ANKRD31: variants seen among roughly 807,000 people sequenced by gnomAD.
The protein encoded by ANKRD31 is ankyrin repeat domain 31.
Under a neutral mutation model 186.0 loss-of-function variants are expected in ANKRD31, and 147 were observed. The ratio of observed to expected loss-of-function variants is 0.79; its 90% CI spans 0.69 to 0.91. ANKRD31 has a LOEUF of 0.91. Ranked by LOEUF, ANKRD31 falls within the 40% of genes least tolerant of loss-of-function variation. The probability of loss-of-function intolerance (pLI) is 0.00; values close to 1 mark genes in which losing one functional copy is unlikely to be tolerated. For missense variants in ANKRD31, 1,986 were observed against 2,148.8 expected (o/e 0.92, Z 1.50); for synonymous variants, 673 against 736.4 (o/e 0.91, Z 1.39).
At chr5:75,206,533 A>G in intron 4 of ANKRD31, 46 bp from the exon 5 acceptor site, 1 of 1,124,392 alleles carries the variant, frequency 8.9e-7, no homozygotes, top group Non-Finnish European at 1.2e-6. Context: ...GGAAGAAAAA[A>G]TAGTGTTTCT....
At chr5:75,174,132 G>A (rs183653254) in intron 10 of ANKRD31, among the ~76,000 whole-genome samples, 275 of 152,268 alleles carry the variant, frequency 1.8e-3, no homozygotes, top group African/African-American at 5.7e-3. Flanking sequence ...ATGGGGAAAC[G>A]ATTCCCTATT....
chr5:75,226,256 C>T (rs1478660487), intron 2 of ANKRD31, among the ~76,000 whole-genome samples: 3 of 152,196 alleles, frequency 2.0e-5, no homozygotes, highest in African/African-American at 7.2e-5. Flanking sequence ...AAGGGAAGGA[C>T]ACAAGCCTGG....
chr5:75,136,639 T>C (rs1224021858), intron 17 of ANKRD31, among the ~76,000 whole-genome samples: 5 of 152,192 alleles, frequency 3.3e-5, no homozygotes, highest in Admixed American at 2.6e-4. Flanking sequence ...AGAAATACCA[T>C]TTGACCTAGC....
chr5:75,183,210 C>G (rs1452890729), intron 10 of ANKRD31, among the ~76,000 whole-genome samples: 2 of 152,112 alleles, frequency 1.3e-5, no homozygotes, highest in Non-Finnish European at 2.9e-5. Context: ...ATTCAACATC[C>G]CTTCATGATA....
intron 17 of ANKRD31, among the ~76,000 whole-genome samples, chr5:75,120,605 T>C (rs1748685588): frequency 6.6e-6 from 1 of 152,092 alleles, no homozygotes. Flanking sequence ...GTAGAAATTA[T>C]TAAGGATAAC....
intron 14 of ANKRD31, among the ~76,000 whole-genome samples, chr5:75,145,586 TG>T (rs962166969): frequency 2.6e-5 from 4 of 151,250 alleles, no homozygotes; most frequent in African/African-American, 4.9e-5. Flanking sequence ...TGTCATGGGG[TG>T]GGGGGGCTAC....
At chr5:75,091,159 G>T (rs1580304390) in intron 23 of ANKRD31, 102 bp downstream of exon 23, 1 of 1,306,418 alleles carries the variant, frequency 7.7e-7, no homozygotes, top group Non-Finnish European at 1.0e-6. Flanking sequence ...TACAAAACTA[G>T]CTTGGAGATC....
At chr5:75,204,453 C>T (rs1756019569) in intron 5 of ANKRD31, among the ~76,000 whole-genome samples, 2 of 151,996 alleles carry the variant, frequency 1.3e-5, no homozygotes, top group Admixed American at 1.3e-4. Flanking sequence ...ATGTTTTGTC[C>T]GAGAATGCTT....
rs73116834 is a variant in ANKRD31 at position 75,222,356 on chromosome 5, T to C, written c.181A>G (p.Met61Val). 8,165 of 1,531,120 alleles carry C rather than the reference T, an allele frequency of 5.3e-3. 384 individuals carry two copies. The African/African-American group carries it at 0.099, about 19-fold the overall frequency. 94.8% of individuals were successfully genotyped at this position (1,531,120 alleles called of 1,614,324 possible). Residue 61 changes from methionine to valine, a missense_variant and splice_region_variant, in exon 3 of 26, where the codon ATG (methionine) becomes GTG (valine). Transcript: ENST00000506364. ...HPDTRGMCKG[M>V]PSPEIQLGFK... ...CCAAGTTGAATCTCAGGAGAAGGCA[T>C]GCCTAGAGTGAAACATAATCATAAA...
chr5:75,207,675 A>G (rs1458779544), intron 4 of ANKRD31, among the ~76,000 whole-genome samples: 1 of 152,286 alleles, frequency 6.6e-6, no homozygotes, highest in South Asian at 2.1e-4. Flanking sequence ...CTGCAAGATG[A>G]TCCCAATTTT....
chr5:75,188,467 A>G, intron 10 of ANKRD31, 26 bp downstream of exon 10: 2 of 1,525,674 alleles, frequency 1.3e-6, no homozygotes, highest in East Asian at 2.5e-5. Context: ...CTCTTAAGGT[A>G]ACTGTGGGTG....
intron 2 of ANKRD31, chr5:75,225,574 T>C (rs76252347): frequency 0.032 from 8,428 of 264,758 alleles, 385 homozygotes; most frequent in African/African-American, 0.12. Context: ...ATGAGACAGA[T>C]CAGATTCCAA....
chr5:75,195,332 T>G (rs1755391037), intron 7 of ANKRD31, among the ~76,000 whole-genome samples: 1 of 152,124 alleles, frequency 6.6e-6, no homozygotes, highest in Non-Finnish European at 1.5e-5. Flanking sequence ...TAAAGATATG[T>G]CTTCTCAGCC....
rs777919237 is a variant in ANKRD31, at chr5:75,091,249, A to T, written c.5472+12T>A. On this transcript the variant is annotated intron_variant, in intron 23 of 25. Coordinates refer to ENST00000506364, the MANE Select transcript of ANKRD31 (RefSeq NM_001372053.1). ...GAATATGAAGTTAAAGATAAACTTA[A>T]GAATGACCCACCTTACTCCAAGCAT... The T allele has an allele frequency of 6.6e-7, 1 of 1,518,744 alleles. No homozygotes were observed. Among genetic ancestry groups the T allele is most frequent in the South Asian group, 1.2e-5 (1 of 80,880 alleles). 94.1% of individuals were successfully genotyped at this position (1,518,744 alleles called of 1,614,324 possible). A position where few individuals can be genotyped will look rare whatever the true frequency, so the allele number is the denominator to read the frequency against.
chr5:75,169,680 C>G (rs1212287474), intron 10 of ANKRD31, among the ~76,000 whole-genome samples: 1 of 152,108 alleles, frequency 6.6e-6, no homozygotes, highest in Non-Finnish European at 1.5e-5. Flanking sequence ...GTATAAGTTA[C>G]AGATATTTAT....
intron 19 of ANKRD31, among the ~76,000 whole-genome samples, chr5:75,116,119 T>G (rs1477804050): frequency 6.6e-6 from 1 of 150,740 alleles, no homozygotes; most frequent in East Asian, 2.0e-4. Flanking sequence ...GGGACATGGA[T>G]GAAATTGGAA....
intron 17 of ANKRD31, among the ~76,000 whole-genome samples, chr5:75,132,196 C>T (rs1012519943): frequency 5.3e-5 from 8 of 152,168 alleles, no homozygotes; most frequent in Non-Finnish European, 7.3e-5. Flanking sequence ...AGGCTTCAGA[C>T]GATCGGTAAG....
chr5:75,154,128 C>T, intron 12 of ANKRD31, 73 bp downstream of exon 12: 1 of 1,256,598 alleles, frequency 8.0e-7, no homozygotes. Flanking sequence ...AATTTAATTT[C>T]TTTAATTCTA....
At chr5:75,123,233 T>A (rs1315891618) in intron 17 of ANKRD31, among the ~76,000 whole-genome samples, 1 of 151,688 alleles carries the variant, frequency 6.6e-6, no homozygotes, top group Non-Finnish European at 1.5e-5. Flanking sequence ...CCTAGGAATA[T>A]AGTTAACCAA....
Sources: gnomAD v4.1 joint callset for allele counts (sites outside exome capture counted in the v4.1 genomes callset) on GRCh38, gnomAD v4.1.1 for gene constraint, MANE v1.5 for transcripts, NCBI Gene and HGNC (gene_info 2026-07-23, HGNC 2026-07-21) for gene names.